Variants in SLC9C1 observed in about 807,000 individuals in gnomAD.
SLC9C1 encodes sodium/hydrogen exchanger 10.
A neutral mutation model predicts 140.9 loss-of-function variants in SLC9C1; 97 were observed. The ratio of observed to expected loss-of-function variants is 0.69; its 90% CI spans 0.58 to 0.82. SLC9C1 has a LOEUF of 0.82. SLC9C1 is among the 40% of genes least tolerant of loss of function. The probability of loss-of-function intolerance (pLI) is 0.00; values close to 1 mark genes in which losing one functional copy is unlikely to be tolerated. For missense variants in SLC9C1, 1,340 were observed against 1,389.3 expected (o/e 0.96, Z 0.56); for synonymous variants, 440 against 442.6 (o/e 0.99, Z 0.07).
At chr3:112,287,973 G>A (rs2108368319) in intron 1 of SLC9C1, among the ~76,000 whole-genome samples, 1 of 150,182 alleles carries the variant, frequency 6.7e-6, no homozygotes, top group Non-Finnish European at 1.5e-5. Context: ...AACCGGGGAG[G>A]CGGAGCTTGC....
At chr3:112,145,983 G>A (rs954702599) in intron 28 of SLC9C1, among the ~76,000 whole-genome samples, 2 of 152,156 alleles carry the variant, frequency 1.3e-5, no homozygotes, top group East Asian at 1.9e-4. Flanking sequence ...CCGCAGCCAC[G>A]TGGAACTGTA....
At chr3:112,291,892 A>T (rs1440695503) in intron 1 of SLC9C1, among the ~76,000 whole-genome samples, 2 of 152,244 alleles carry the variant, frequency 1.3e-5, no homozygotes, top group African/African-American at 2.4e-5. Flanking sequence ...GGTAGACTAG[A>T]TAAACTAAAT....
chr3:112,141,150 A>G lies in SLC9C1; in HGVS notation c.*122T>C. The stretch of plus-strand genomic sequence containing the variant: ...CCAAATTTCTTTTCTGCTTAGCACC[A>G]AGATCATCCACACAGGATCCAACCT... On this transcript the variant is annotated 3_prime_UTR_variant, in exon 29 of 29. Coordinates refer to ENST00000305815, the MANE Select transcript of SLC9C1 (RefSeq NM_183061.3). The G allele has an allele frequency of 9.4e-7, 1 of 1,063,190 alleles. No homozygotes were observed. Among genetic ancestry groups the G allele is most frequent in the Non-Finnish European group, 1.3e-6 (1 of 785,766 alleles). The allele number at this position is 1,063,190 out of a possible 1,614,324, so 65.9% of individuals were successfully genotyped here.
chr3:112,217,637 G>C (rs2078420722), intron 14 of SLC9C1, 76 bp from the exon 15 acceptor site: 3 of 1,367,212 alleles, frequency 2.2e-6, no homozygotes, highest in Non-Finnish European at 2.9e-6. Context: ...GAAGTTTAAT[G>C]TTGTACATAA....
chr3:112,215,474 C>A (rs1344172504), intron 15 of SLC9C1, among the ~76,000 whole-genome samples: 3 of 152,044 alleles, frequency 2.0e-5, no homozygotes, highest in Non-Finnish European at 4.4e-5. Flanking sequence ...CGTCTCAGCC[C>A]AAAATCTCCT....
At chr3:112,206,304 A>G (rs2078046327) in intron 16 of SLC9C1, among the ~76,000 whole-genome samples, 1 of 152,156 alleles carries the variant, frequency 6.6e-6, no homozygotes, top group African/African-American at 2.4e-5. Context: ...GTGAGATAAC[A>G]TCTCACACCA....
intron 11 of SLC9C1, among the ~76,000 whole-genome samples, chr3:112,242,720 G>A (rs2079170406): frequency 6.6e-6 from 1 of 152,122 alleles, no homozygotes; most frequent in African/African-American, 2.4e-5. Flanking sequence ...CACCTGAGGT[G>A]ATGGATACTC....
At chr3:112,231,702 TATATC>T (rs1165478664) in intron 12 of SLC9C1, among the ~76,000 whole-genome samples, 1 of 152,144 alleles carries the variant, frequency 6.6e-6, no homozygotes, top group Non-Finnish European at 1.5e-5. Context: ...GGGGAGGAGT[TATATC>T]ATATCTTTAC....
At chr3:112,158,683 C>G (rs894682667) in intron 26 of SLC9C1, among the ~76,000 whole-genome samples, 1 of 151,618 alleles carries the variant, frequency 6.6e-6, no homozygotes, top group African/African-American at 2.4e-5. Context: ...TTTATTATGG[C>G]TTTGATCTTG....
At chr3:112,145,439 A>G (rs1449284522) in intron 28 of SLC9C1, among the ~76,000 whole-genome samples, 1 of 152,058 alleles carries the variant, frequency 6.6e-6, no homozygotes, top group Non-Finnish European at 1.5e-5. Flanking sequence ...GTGTTTTGCC[A>G]GGTTTTGATA....
chr3:112,255,197 A>T (rs994991914), intron 10 of SLC9C1, among the ~76,000 whole-genome samples: 1 of 152,134 alleles, frequency 6.6e-6, no homozygotes, highest in African/African-American at 2.4e-5. Context: ...ATGAACAAAG[A>T]TATTCAGGAT....
chr3:112,186,063 CA>C, intron 20 of SLC9C1: 1 of 1,167,316 alleles, frequency 8.6e-7, no homozygotes, highest in East Asian at 2.6e-5. Flanking sequence ...AGTGCACTTT[CA>C]AATCTTTTGC....
At chr3:112,269,590 T>G (rs10934161) in intron 7 of SLC9C1, among the ~76,000 whole-genome samples, 3 of 152,018 alleles carry the variant, frequency 2.0e-5, no homozygotes, top group Non-Finnish European at 4.4e-5. Context: ...CCTTATAAGA[T>G]ATTTAAATAT....
intron 1 of SLC9C1, among the ~76,000 whole-genome samples, chr3:112,288,458 G>C (rs1247689232): frequency 6.6e-6 from 1 of 152,158 alleles, no homozygotes; most frequent in Admixed American, 6.5e-5. Context: ...TTACCACCAA[G>C]GTAAAAGTGC....
At chr3:112,218,527 G>GT (rs1279389067) in intron 14 of SLC9C1, among the ~76,000 whole-genome samples, 4 of 152,200 alleles carry the variant, frequency 2.6e-5, no homozygotes, top group Middle Eastern at 6.8e-3. Flanking sequence ...ATAATATGCG[G>GT]TAAATAAATG....
At chr3:112,288,137 C>T (rs926502367) in intron 1 of SLC9C1, among the ~76,000 whole-genome samples, 1 of 150,406 alleles carries the variant, frequency 6.6e-6, no homozygotes, top group African/African-American at 2.4e-5. Context: ...CACACACGCA[C>T]ACACACACAT....
In SLC9C1 at chr3:112,278,992, G is replaced by A. The variant is rs377454264; in HGVS notation, c.190-135C>T. The A allele has an allele frequency of 3.7e-4, 292 of 799,236 alleles. 1 individual carries two copies. In the East Asian group the frequency reaches 8.6e-3, roughly 24 times the overall value. The allele number at this position is 799,236 out of a possible 1,614,324, so 49.5% of individuals were successfully genotyped here. A position where few individuals can be genotyped will look rare whatever the true frequency, so the allele number is the denominator to read the frequency against. On this transcript the variant is annotated intron_variant, in intron 3 of 28. Coordinates refer to ENST00000305815, the MANE Select transcript of SLC9C1 (RefSeq NM_183061.3). ...ATATCACACAAAGGAGTAAGTGATCGTATCAAATTCTAGAAACTACAAATA... is the reference window on the plus strand; with the variant it reads ...ATATCACACAAAGGAGTAAGTGATCATATCAAATTCTAGAAACTACAAATA...
At chr3:112,158,791 C>A (rs968884689) in intron 26 of SLC9C1, among the ~76,000 whole-genome samples, 5 of 151,758 alleles carry the variant, frequency 3.3e-5, no homozygotes, top group Admixed American at 3.3e-4. Context: ...TCTAGGTTTT[C>A]CAATTTGTTC....
chr3:112,228,415 C>T (rs1576392509), intron 13 of SLC9C1, among the ~76,000 whole-genome samples: 1 of 151,796 alleles, frequency 6.6e-6, no homozygotes, highest in Middle Eastern at 3.4e-3. Flanking sequence ...TAAAGACTCA[C>T]AACTATGAAA....
Sources: gnomAD v4.1 joint callset for allele counts (sites outside exome capture counted in the v4.1 genomes callset) on GRCh38, gnomAD v4.1.1 for gene constraint, MANE v1.5 for transcripts, NCBI Gene and HGNC (gene_info 2026-07-23, HGNC 2026-07-21) for gene names.